OSBPL10: variants seen among roughly 807,000 people sequenced by gnomAD.
OSBPL10 encodes oxysterol-binding protein-related protein 10.
OSBPL10 carries 49 observed loss-of-function variants against 81.7 expected under a neutral mutation model. The ratio of observed to expected loss-of-function variants is 0.60; its 90% CI spans 0.48 to 0.76. OSBPL10 has a LOEUF of 0.76. OSBPL10 is among the 30% of genes least tolerant of loss of function. The pLI is 0.00. For missense variants in OSBPL10, 923 were observed against 987.8 expected (o/e 0.93, Z 0.88); for synonymous variants, 419 against 383.6 (o/e 1.09, Z -1.08).
At chr3:31,932,132 T>C (rs1697267783) in intron 1 of OSBPL10, among the ~76,000 whole-genome samples, 1 of 151,854 alleles carries the variant, frequency 6.6e-6, no homozygotes, top group South Asian at 2.1e-4. Context: ...AAAATAAAAA[T>C]GAAAATGAAA....
At chr3:31,965,847 TAAAA>T (rs1329365249) in intron 1 of OSBPL10, among the ~76,000 whole-genome samples, 2 of 85,128 alleles carry the variant, frequency 2.3e-5, no homozygotes, top group African/African-American at 1.3e-4. Context: ...ATATATTATA[TAAAA>T]AGATAATATA....
chr3:31,661,472 C>T lies in OSBPL10; in HGVS notation c.*600G>A, dbSNP rs554648498. ...CTCTGGCATAAATCTTTAACAGCTT[C>T]CTGCCAACCCCCATCCAGCAGGAAA... On this transcript the variant is annotated 3_prime_UTR_variant, in exon 12 of 12. Transcript: ENST00000396556. 1 of 152,348 alleles carries T rather than the reference C, an allele frequency of 6.6e-6. No individual in the cohort carries two copies. Among genetic ancestry groups the T allele is most frequent in the East Asian group, 1.9e-4 (1 of 5,186 alleles). 9.4% of individuals were successfully genotyped at this position (152,348 alleles called of 1,614,324 possible). A position where few individuals can be genotyped will look rare whatever the true frequency, so the allele number is the denominator to read the frequency against.
chr3:31,837,823 T>C (rs903176251), intron 3 of OSBPL10, among the ~76,000 whole-genome samples: 8 of 151,720 alleles, frequency 5.3e-5, no homozygotes, highest in Non-Finnish European at 8.8e-5. Flanking sequence ...ATAGGGAGTA[T>C]ATGAGACCTT....
At chr3:31,816,072 T>C (rs1699826220) in intron 4 of OSBPL10, among the ~76,000 whole-genome samples, 1 of 149,180 alleles carries the variant, frequency 6.7e-6, no homozygotes, top group Admixed American at 6.8e-5. Flanking sequence ...TCAGCAATAC[T>C]CTAATCGTCA....
chr3:31,847,906 CGGGGCTGCCTGT>C (rs1032626973), intron 3 of OSBPL10, among the ~76,000 whole-genome samples: 3 of 152,080 alleles, frequency 2.0e-5, no homozygotes, highest in Non-Finnish European at 4.4e-5. Flanking sequence ...AGACACACAG[CGGGGCTGCCTGT>C]GGGACGAGGA....
intron 4 of OSBPL10, among the ~76,000 whole-genome samples, chr3:31,797,039 G>C (rs1300875705): frequency 7.6e-6 from 1 of 131,452 alleles, no homozygotes; most frequent in Non-Finnish European, 1.5e-5. Context: ...TCTGTTGCCA[G>C]GCTGGAGTGC....
intron 1 of OSBPL10, among the ~76,000 whole-genome samples, chr3:31,916,245 T>A (rs1039233091): frequency 1.3e-5 from 2 of 152,260 alleles, no homozygotes; most frequent in East Asian, 3.8e-4. Flanking sequence ...TACTGGCTTC[T>A]ACATTCTAGA....
chr3:32,008,935 T>C (rs1256143477), intron 2 of OSBPL10, among the ~76,000 whole-genome samples: 1 of 152,182 alleles, frequency 6.6e-6, no homozygotes. Context: ...AGTGCTTACA[T>C]ATATTTTTTA....
chr3:31,710,341 C>A (rs1696211274), intron 6 of OSBPL10, among the ~76,000 whole-genome samples: 1 of 152,186 alleles, frequency 6.6e-6, no homozygotes, highest in Non-Finnish European at 1.5e-5. Flanking sequence ...TCGTACTGGG[C>A]ACACAGTGGT....
intron 1 of OSBPL10, among the ~76,000 whole-genome samples, chr3:31,968,106 CTGTG>C (rs1213173034): frequency 1.1e-4 from 16 of 152,190 alleles, no homozygotes; most frequent in East Asian, 7.7e-4. Context: ...TTTTTTCTTT[CTGTG>C]TGTATTTCTT....
intron 2 of OSBPL10, among the ~76,000 whole-genome samples, chr3:31,986,760 C>T (rs75085711): frequency 0.035 from 5,316 of 152,146 alleles, 136 homozygotes; most frequent in South Asian, 0.073. Context: ...CATATAATCC[C>T]AGCACTGTGG....
intron 6 of OSBPL10, chr3:31,717,962 A>T (rs1360081026): frequency 6.6e-6 from 1 of 152,212 alleles, no homozygotes; most frequent in Non-Finnish European, 1.5e-5. Flanking sequence ...GGTATGTAGT[A>T]GCACTGTTAA....
intron 1 of OSBPL10, among the ~76,000 whole-genome samples, chr3:31,904,153 T>C (rs1307090354): frequency 6.6e-6 from 1 of 152,188 alleles, no homozygotes; most frequent in Non-Finnish European, 1.5e-5. Flanking sequence ...CCCTCTCCCC[T>C]GCTTCTTCCT....
At chr3:31,812,818 GAGAAAGAAAGAA>G (rs745663706) in intron 4 of OSBPL10, among the ~76,000 whole-genome samples, 4 of 25,902 alleles carry the variant, frequency 1.5e-4, no homozygotes, top group Non-Finnish European at 2.1e-4. Context: ...AAGAAAGAAA[GAGAAAGAAAGAA>G]AGAAAGAAAG....
intron 3 of OSBPL10, among the ~76,000 whole-genome samples, chr3:31,867,963 T>C (rs185733650): frequency 7.2e-4 from 109 of 152,268 alleles, no homozygotes; most frequent in African/African-American, 2.4e-3. Flanking sequence ...AATAGGTCTA[T>C]GGCCAAAGCC....
rs554525633 is a variant in OSBPL10 at position 31,926,462 on chromosome 3, G to C, written c.282-46632C>G. Among the ~76,000 whole-genome samples the C allele has an allele frequency of 3.3e-5, 5 of 152,232 alleles. No individual in the cohort carries two copies. In the East Asian group the frequency reaches 9.7e-4, roughly 29 times the overall value. ...CTAGCCCCAAATGCCAATAGTGCTG[G>C]GGTTGAGAAGCCGTGGAATAAACCA... On this transcript the variant is annotated intron_variant, in intron 1 of 11. Coordinates refer to ENST00000396556, the MANE Select transcript of OSBPL10 (RefSeq NM_017784.5).
At chr3:31,728,969 A>C (rs1696887360) in intron 6 of OSBPL10, among the ~76,000 whole-genome samples, 1 of 152,196 alleles carries the variant, frequency 6.6e-6, no homozygotes, top group Non-Finnish European at 1.5e-5. Flanking sequence ...TCGGCCTTTA[A>C]AAAGTTTTGG....
intron 7 of OSBPL10, among the ~76,000 whole-genome samples, chr3:31,695,620 A>G (rs1048222043): frequency 1.3e-5 from 2 of 152,224 alleles, no homozygotes; most frequent in Non-Finnish European, 2.9e-5. Flanking sequence ...CACATTCTGT[A>G]TATCTCAATC....
intron 4 of OSBPL10, among the ~76,000 whole-genome samples, chr3:31,795,298 C>T (rs1438774149): frequency 6.6e-6 from 1 of 151,978 alleles, no homozygotes; most frequent in Admixed American, 6.6e-5. Flanking sequence ...GCGCCTGCCA[C>T]CAGGCCTGGC....
Sources: gnomAD v4.1 joint callset for allele counts (sites outside exome capture counted in the v4.1 genomes callset) on GRCh38, gnomAD v4.1.1 for gene constraint, MANE v1.5 for transcripts, NCBI Gene and HGNC (gene_info 2026-07-23, HGNC 2026-07-21) for gene names.